Variants in SYCP2 observed in about 807,000 individuals in gnomAD.
The protein encoded by SYCP2 is synaptonemal complex lateral element protein.
A neutral mutation model predicts 211.3 loss-of-function variants in SYCP2; 55 were observed. The observed-to-expected ratio is 0.26, with a 90% CI of 0.21 to 0.33. The LOEUF (loss-of-function observed/expected upper bound fraction) is 0.33. Ranked by LOEUF, SYCP2 falls within the 10% of genes least tolerant of loss-of-function variation. The probability of loss-of-function intolerance (pLI) is 1.00; values close to 1 mark genes in which losing one functional copy is unlikely to be tolerated. For synonymous variants in SYCP2, 570 were observed against 555.2 expected, an observed-to-expected ratio of 1.03 and a Z score of -0.37; for missense variants, 1,731 against 1,752.0, an observed-to-expected ratio of 0.99 and a Z score of 0.21.
At chr20:59,888,578 T>C (rs1165377686) in intron 24 of SYCP2, among the ~76,000 whole-genome samples, 8 of 151,984 alleles carry the variant, frequency 5.3e-5, no homozygotes, top group African/African-American at 1.9e-4. Flanking sequence ...CTTTTCCTAC[T>C]AAAATCAGAA....
chr20:59,923,283 A>C (rs1207210670), intron 2 of SYCP2, among the ~76,000 whole-genome samples: 1 of 151,954 alleles, frequency 6.6e-6, no homozygotes, highest in Non-Finnish European at 1.5e-5. Context: ...TATTTTGGTC[A>C]AGAAAATGCA....
Position 59,919,185 on chromosome 20 carries a change from G to C in SYCP2, c.403-3C>G. 8.2e-7 allele frequency: 1 copy of C among 1,219,936 alleles called. No homozygotes were observed. Among genetic ancestry groups the C allele is most frequent in the Non-Finnish European group, 1.2e-6 (1 of 847,320 alleles). 75.6% of individuals were successfully genotyped at this position (1,219,936 alleles called of 1,614,324 possible). On this transcript the variant is annotated splice_region_variant and splice_polypyrimidine_tract_variant and intron_variant, in intron 6 of 44. Coordinates refer to ENST00000357552, the MANE Select transcript of SYCP2 (RefSeq NM_014258.4). ...TCATCACTGACATCATGTATGACCT[G>C]AAAAAAAGTGAATAATATTTAATTT...
At chr20:59,932,921 C>G (rs1228332750) in intron 1 of SYCP2, among the ~76,000 whole-genome samples, 6 of 152,108 alleles carry the variant, frequency 3.9e-5, no homozygotes, top group African/African-American at 7.2e-5. Flanking sequence ...GCGCGCACTC[C>G]CTTCTTCCCT....
At chr20:59,872,657 G>C (rs569123814) in intron 35 of SYCP2, among the ~76,000 whole-genome samples, 1 of 152,068 alleles carries the variant, frequency 6.6e-6, no homozygotes, top group East Asian at 1.9e-4. Context: ...CGTATTCCCT[G>C]AGAATAAGGG....
chr20:59,903,398 A>G (rs1032179356), intron 15 of SYCP2, among the ~76,000 whole-genome samples: 2 of 152,130 alleles, frequency 1.3e-5, no homozygotes, highest in African/African-American at 4.8e-5. Context: ...ATGAATGGGG[A>G]GAAAAAGATA....
intron 14 of SYCP2, among the ~76,000 whole-genome samples, chr20:59,910,802 A>T (rs2060306409): frequency 6.6e-6 from 1 of 151,624 alleles, no homozygotes; most frequent in Non-Finnish European, 1.5e-5. Flanking sequence ...CTGCCTAAGT[A>T]GCTCCTCGAA....
At chr20:59,875,590 A>C (rs912047773) in intron 33 of SYCP2, 121 bp from the exon 34 acceptor site, 1 of 703,768 alleles carries the variant, frequency 1.4e-6, no homozygotes, top group Non-Finnish European at 2.3e-6. Flanking sequence ...AGGCATAACA[A>C]GGACCTAGAC....
rs2060538726 is a variant in SYCP2, at chr20:59,921,405, G to C, written c.73C>G (p.Pro25Ala). 6 of 1,603,982 alleles carry C rather than the reference G, an allele frequency of 3.7e-6. No individual in the cohort carries two copies. In the East Asian group the frequency reaches 1.3e-4, roughly 36 times the overall value. ...TCAATTTGCAAAAGTGTTTTCAAAG[G>C]TTTGAAATCATTTTTTCTTAAAGCA... is the stretch of plus-strand genomic sequence containing the variant. ...DDALRKNDFKPLKTLLQIDIC... is the reference protein window; with the variant it reads ...DDALRKNDFKALKTLLQIDIC... The change falls in exon 4 of 45, where the codon CCT becomes GCT. Residue 25 changes from proline to alanine, a missense_variant. Coordinates refer to ENST00000357552, the MANE Select transcript of SYCP2 (RefSeq NM_014258.4).
At position 59,892,705 on chromosome 20, in the gene SYCP2, G is replaced by C. The variant is rs1022315785; in HGVS notation, c.1794-4C>G. On this transcript the variant is annotated splice_region_variant and splice_polypyrimidine_tract_variant and intron_variant, in intron 22 of 44. Coordinates refer to ENST00000357552, the MANE Select transcript of SYCP2 (RefSeq NM_014258.4). Reference sequence around the variant, plus strand: ...GTTGTCTAAAACACCAGGTAATCTAGAAAATAAATTAATTTGCTTAATGTT... The same window carrying C: ...GTTGTCTAAAACACCAGGTAATCTACAAAATAAATTAATTTGCTTAATGTT... The C allele has an allele frequency of 6.3e-7, 1 of 1,596,160 alleles. No homozygotes were observed. The highest frequency in any genetic ancestry group is 1.4e-5 in the African/African-American group (1 of 73,914).
intron 18 of SYCP2, 54 bp downstream of exon 18, chr20:59,900,084 C>A (rs541368084): frequency 5.8e-6 from 9 of 1,545,514 alleles, no homozygotes; most frequent in East Asian, 4.5e-5. Flanking sequence ...TCATATATAA[C>A]AGTGATTTGA....
intron 3 of SYCP2, 84 bp downstream of exon 3, chr20:59,922,306 A>T: frequency 1.6e-6 from 2 of 1,235,770 alleles, no homozygotes; most frequent in Middle Eastern, 3.9e-4. Flanking sequence ...TATCATTGCT[A>T]AAAACATAGC....
chr20:59,875,565 T>C, intron 33 of SYCP2, 96 bp from the exon 34 acceptor site: 3 of 924,294 alleles, frequency 3.2e-6, no homozygotes, highest in Non-Finnish European at 1.6e-6. Context: ...TTAAATGTTG[T>C]ATATTACCAC....
chr20:59,873,948 C>G lies in SYCP2; in HGVS notation c.3463G>C (p.Val1155Leu). ...TTGGGTGACTTTATTGTACCTCCAA[C>G]TCCACTGTTACTATTTAAGGATTCA... Reference protein sequence around the residue: ...SLESLNSNSGVGGTIKSPKNN... With the variant: ...SLESLNSNSGLGGTIKSPKNN... The change falls in exon 35 of 45, where the codon GTT (valine) becomes CTT (leucine). Residue 1155 changes from valine to leucine, a missense_variant. Val to Leu is a conservative substitution (Grantham distance 32). This residue lies in a region of SYCP2 where 1,387 missense variants were observed against 1,351.3 expected (regional missense o/e 1.03). Coordinates refer to ENST00000357552, the MANE Select transcript of SYCP2 (RefSeq NM_014258.4). 1 of 1,613,316 alleles carries G rather than the reference C, an allele frequency of 6.2e-7. No homozygotes were observed. Among genetic ancestry groups the G allele is most frequent in the Non-Finnish European group, 8.5e-7 (1 of 1,179,572 alleles).
intron 2 of SYCP2, among the ~76,000 whole-genome samples, chr20:59,929,981 A>T (rs1201402527): frequency 1.3e-5 from 2 of 152,262 alleles, no homozygotes; most frequent in Middle Eastern, 3.4e-3. Flanking sequence ...TTCAATCACC[A>T]CAACCATTAG....
At chr20:59,890,565 GATAGGTAGGTAGGTAA>G (rs1278087482) in intron 24 of SYCP2, among the ~76,000 whole-genome samples, 2 of 150,986 alleles carry the variant, frequency 1.3e-5, no homozygotes, top group Non-Finnish European at 3.0e-5. Flanking sequence ...TAAATAGGTA[GATAGGTAGGTAGGTAA>G]GTAGGTAGGT....
chr20:59,878,476 TAAGAG>T (rs1347201651), intron 31 of SYCP2, among the ~76,000 whole-genome samples: 4 of 152,154 alleles, frequency 2.6e-5, no homozygotes, highest in Admixed American at 6.6e-5. Flanking sequence ...TTTAAACATA[TAAGAG>T]AATATGTCAG....
Position 59,892,161 on chromosome 20 carries a change from C to T in SYCP2, c.2193G>A (p.Lys731=). 3 of 1,612,298 alleles carry T rather than the reference C, an allele frequency of 1.9e-6. No individual in the cohort carries two copies. The highest frequency in any genetic ancestry group is 2.5e-6 in the Non-Finnish European group (3 of 1,179,048). ...TATATATCAGCGATTCTTCAATTGT[C>T]TTATTTAGGAGAACCGATTTAAAAG... ...ETTFKSVLLN[K]TIEESLIYRK... Residue 731 remains lysine, a synonymous_variant, in exon 24 of 45, where the codon AAG becomes AAA. Transcript: ENST00000357552.
At chr20:59,917,508 G>A (rs1196135567) in intron 7 of SYCP2, among the ~76,000 whole-genome samples, 2 of 152,238 alleles carry the variant, frequency 1.3e-5, no homozygotes, top group South Asian at 2.1e-4. Flanking sequence ...TTAAAAATCA[G>A]GTGGATCACT....
intron 2 of SYCP2, among the ~76,000 whole-genome samples, chr20:59,928,395 AAAAT>A (rs771513935): frequency 2.6e-5 from 4 of 152,194 alleles, no homozygotes; most frequent in Non-Finnish European, 4.4e-5. Context: ...ATGCTTCACT[AAAAT>A]AAACATCTGA....
Sources: gnomAD v4.1 joint callset for allele counts (sites outside exome capture counted in the v4.1 genomes callset) on GRCh38, gnomAD v4.1.1 for gene constraint, gnomAD v4.1.1 regional missense constraint, MANE v1.5 for transcripts, NCBI Gene and HGNC (gene_info 2026-07-23, HGNC 2026-07-21) for gene names.